TIAM1: variants seen among roughly 807,000 people sequenced by gnomAD.
TIAM1 encodes the protein rho guanine nucleotide exchange factor TIAM1.
A neutral mutation model predicts 163.5 loss-of-function variants in TIAM1; 65 were observed. That is an observed-to-expected ratio of 0.40 (90% CI 0.33 to 0.49). The LOEUF (loss-of-function observed/expected upper bound fraction) is 0.49. Ranked by LOEUF, TIAM1 falls within the 20% of genes least tolerant of loss-of-function variation. The probability of loss-of-function intolerance (pLI) is 0.77; values close to 1 mark genes in which losing one functional copy is unlikely to be tolerated. For synonymous variants in TIAM1, 833 were observed against 810.1 expected, an observed-to-expected ratio of 1.03 and a Z score of -0.48; for missense variants, 1,789 against 2,044.7, an observed-to-expected ratio of 0.87 and a Z score of 2.41.
intron 15 of TIAM1, among the ~76,000 whole-genome samples, chr21:31,171,035 CA>C (rs34291568): frequency 0.052 from 1,010 of 19,540 alleles, 31 homozygotes; most frequent in East Asian, 0.33. Flanking sequence ...GACTCCATCT[CA>C]AAAAAAAAAA....
rs558295912 is a variant in TIAM1, at chr21:31,176,570, G to A, written c.2887+5851C>T. Among the ~76,000 whole-genome samples the A allele has an allele frequency of 6.6e-5, 10 of 152,260 alleles. No homozygotes were observed. The South Asian group carries it at 1.9e-3, about 28-fold the overall frequency. On this transcript the variant is annotated intron_variant, in intron 15 of 27. Coordinates refer to ENST00000541036, the MANE Select transcript of TIAM1 (RefSeq NM_001353694.2). ...GCAGATCCTGGCTTTCTAAGCCAAC[G>A]TGGCAACCCATTCAGCAGGCTTCCC...
chr21:31,317,188 C>T (rs1277543925), intron 2 of TIAM1, among the ~76,000 whole-genome samples: 2 of 152,196 alleles, frequency 1.3e-5, no homozygotes, highest in African/African-American at 4.8e-5. Flanking sequence ...GGCATGGTGG[C>T]TCAAGCCTGT....
In TIAM1 at chr21:31,479,972, T is replaced by C. The variant is rs78504337; in HGVS notation, c.-421-15937A>G. 1.6e-4 allele frequency among the ~76,000 whole-genome samples: 24 copies of C among 152,330 alleles called. No homozygotes were observed. The East Asian group carries it at 4.6e-3, about 29-fold the overall frequency. The stretch of plus-strand genomic sequence containing the variant: ...CTCCACCCTCCTAGGGAACACCTAC[T>C]ATACAGTGCGGCCATTGTCCATTTA... On this transcript the variant is annotated intron_variant, in intron 1 of 28. Coordinates refer to the TIAM1 transcript ENST00000286827.
intron 2 of TIAM1, among the ~76,000 whole-genome samples, chr21:31,462,813 G>A (rs1189351173): frequency 6.7e-6 from 1 of 148,986 alleles, no homozygotes; most frequent in East Asian, 2.0e-4. Flanking sequence ...TGCAATCTTC[G>A]CTCACTGCAA....
chr21:31,494,842 A>AG (rs901821912), intron 1 of TIAM1, among the ~76,000 whole-genome samples: 2 of 62,566 alleles, frequency 3.2e-5, no homozygotes, highest in African/African-American at 1.1e-4. Context: ...ACTCTGTCTC[A>AG]AAAAAAAGGA....
rs755512576 is a variant in TIAM1 at position 31,223,573 on chromosome 21, T to C, written c.1828A>G (p.Asn610Asp). The C allele has an allele frequency of 1.9e-6, 3 of 1,596,104 alleles. No homozygotes were observed. The South Asian group carries it at 3.4e-5, about 18-fold the overall frequency. The change falls in exon 8 of 28, where the codon AAT becomes GAT. Residue 610 changes from asparagine (N) to aspartate (D), a missense_variant. Coordinates refer to ENST00000541036, the MANE Select transcript of TIAM1 (RefSeq NM_001353694.2). ...ILDQIFVWEQ[N>D]LEQFQMDLFR... ...AGGTCCATTTGGAACTGCTCGAGAT[T>C]TTGCTCCCAGACAAAGATCTATGGT...
At chr21:31,437,901 A>G (rs1203925227) in intron 2 of TIAM1, among the ~76,000 whole-genome samples, 1 of 152,220 alleles carries the variant, frequency 6.6e-6, no homozygotes, top group Non-Finnish European at 1.5e-5. Flanking sequence ...GTGTGAGAAC[A>G]GACTAATACG....
chr21:31,457,709 A>G (rs552762749), intron 2 of TIAM1, among the ~76,000 whole-genome samples: 19 of 152,344 alleles, frequency 1.2e-4, no homozygotes, highest in African/African-American at 4.6e-4. Context: ...AAAGAATGGT[A>G]TAAAAGGTTA....
intron 12 of TIAM1, among the ~76,000 whole-genome samples, chr21:31,195,589 A>G (rs2146496092): frequency 6.6e-6 from 1 of 152,302 alleles, no homozygotes; most frequent in African/African-American, 2.4e-5. Flanking sequence ...ATAATGCTAA[A>G]GTAATGGAGA....
At chr21:31,239,227 ATC>A (rs1045328035) in intron 6 of TIAM1, among the ~76,000 whole-genome samples, 149 of 152,058 alleles carry the variant, frequency 9.8e-4, no homozygotes, top group African/African-American at 3.5e-3. Context: ...GGTGCAAGTG[ATC>A]CTCCCACCTC....
rs539857617 is a variant in TIAM1, at chr21:31,388,115, T to C, written c.-368-48693A>G. Among the ~76,000 whole-genome samples, 3 of 152,150 alleles carry C rather than the reference T, an allele frequency of 2.0e-5. No homozygotes were observed. In the South Asian group the frequency reaches 6.2e-4, roughly 32 times the overall value. ...AAGCCTAGCAGACGCCGCAAAAAGC[T>C]TCTTGTGCTGTCTGCAAAACAACGA... On this transcript the variant is annotated intron_variant, in intron 2 of 28. Coordinates refer to the TIAM1 transcript ENST00000286827.
chr21:31,130,290 T>A lies in TIAM1; in HGVS notation c.3968A>T (p.Tyr1323Phe). The part of the protein sequence containing the change: ...KLVGSHRLSI[Y>F]EDWDPFRFRH... ...AAATCTGAAGGGGTCCCAGTCCTCATAAATGGAAAGCCTGTGAGATCCTAC... is the reference window on the plus strand; with the variant it reads ...AAATCTGAAGGGGTCCCAGTCCTCAAAAATGGAAAGCCTGTGAGATCCTAC... The change falls in exon 25 of 28, where the codon TAT (tyrosine) becomes TTT (phenylalanine). Residue 1323 changes from tyrosine to phenylalanine, a missense_variant. Tyr to Phe is a conservative substitution (Grantham distance 22). Transcript: ENST00000541036. 1 of 1,614,016 alleles carries A rather than the reference T, an allele frequency of 6.2e-7. No homozygotes were observed. The highest frequency in any genetic ancestry group is 8.5e-7 in the Non-Finnish European group (1 of 1,179,974).
intron 2 of TIAM1, among the ~76,000 whole-genome samples, chr21:31,366,771 T>C (rs12482347): frequency 0.038 from 5,795 of 152,210 alleles, 201 homozygotes; most frequent in African/African-American, 0.098. Context: ...GCATGTGCCA[T>C]CATGCCTGGC....
intron 5 of TIAM1, among the ~76,000 whole-genome samples, chr21:31,245,890 G>A (rs945038167): frequency 5.3e-5 from 8 of 152,264 alleles, no homozygotes; most frequent in Non-Finnish European, 1.0e-4. Context: ...CTTCCTGCAT[G>A]CCCTCAAGTT....
At chr21:31,396,280 C>T (rs149092141) in intron 2 of TIAM1, among the ~76,000 whole-genome samples, 185 of 152,280 alleles carry the variant, frequency 1.2e-3, no homozygotes, top group African/African-American at 4.3e-3. Flanking sequence ...GCGCCTGCCC[C>T]ATTCCTGCCT....
At position 31,251,757 on chromosome 21, in the gene TIAM1, A is replaced by G; in HGVS notation, c.1396T>C (p.Trp466Arg). 1 of 1,597,350 alleles carries G rather than the reference A, an allele frequency of 6.3e-7. No homozygotes were observed. Among genetic ancestry groups the G allele is most frequent in the Non-Finnish European group, 8.5e-7 (1 of 1,169,616 alleles). ...CCGCTCTCACCTTTCAGGGACACCCAGTAGTGCTTCCACTTCCTCCGGGTG... is the reference window on the plus strand; with the variant it reads ...CCGCTCTCACCTTTCAGGGACACCCGGTAGTGCTTCCACTTCCTCCGGGTG... ...SATRRKWKHY[W>R]VSLKGCTLFF... is the part of the protein sequence containing the mutation. Residue 466 changes from tryptophan (W) to arginine (R), a missense_variant, in exon 5 of 28, where the codon TGG (tryptophan) becomes CGG (arginine). Coordinates refer to ENST00000541036, the MANE Select transcript of TIAM1 (RefSeq NM_001353694.2).
In TIAM1 at chr21:31,384,401, CAAAAAAAAAA is replaced by C. The variant is rs5843516; in HGVS notation, c.-368-44989_-368-44980del. Among the ~76,000 whole-genome samples, 4 of 107,832 alleles carry C rather than the reference CAAAAAAAAAA, an allele frequency of 3.7e-5. No individual in the cohort carries two copies. The East Asian group carries it at 1.4e-3, about 37-fold the overall frequency. 70.7% of individuals were successfully genotyped at this position (107,832 alleles called of 152,430 possible). A position where few individuals can be genotyped will look rare whatever the true frequency, so the allele number is the denominator to read the frequency against. The stretch of plus-strand genomic sequence containing the variant: ...GCAACATGGCAAGACCCCATCTCTA[CAAAAAAAAAA>C]AAAAAAAAAATTTAATTAGCTGGCA... On this transcript the variant is annotated intron_variant, in intron 2 of 28. Transcript: ENST00000286827.
chr21:31,465,462 G>T (rs1212437735), intron 1 of TIAM1, among the ~76,000 whole-genome samples: 1 of 152,060 alleles, frequency 6.6e-6, no homozygotes, highest in Admixed American at 6.5e-5. Context: ...AGATGAATGA[G>T]TAAAAGCTGA....
intron 19 of TIAM1, among the ~76,000 whole-genome samples, chr21:31,148,691 T>C (rs1376433946): frequency 6.6e-6 from 1 of 152,182 alleles, no homozygotes; most frequent in Non-Finnish European, 1.5e-5. Context: ...CACTAAGGTA[T>C]TCACTTATTC....
Sources: allele counts gnomAD v4.1 joint callset (sites outside exome capture counted in the v4.1 genomes callset), GRCh38; gene constraint gnomAD v4.1.1; transcripts MANE v1.5; gene names NCBI Gene and HGNC (gene_info 2026-07-23, HGNC 2026-07-21).